Variants in FNIP1 observed in about 807,000 individuals in gnomAD.
The protein encoded by FNIP1 is folliculin-interacting protein 1.
In FNIP1, 40 loss-of-function variants were observed where a neutral mutation model predicts 124.5. The ratio of observed to expected loss-of-function variants is 0.32; its 90% CI spans 0.25 to 0.42. The LOEUF is 0.42. FNIP1 is among the 10% of genes least tolerant of loss of function. The probability of loss-of-function intolerance (pLI) is 1.00; values close to 1 mark genes in which losing one functional copy is unlikely to be tolerated. For synonymous variants in FNIP1, 472 were observed against 470.6 expected (o/e 1.00, Z -0.04); for missense variants, 1,176 against 1,403.7 (o/e 0.84, Z 2.59).
chr5:131,793,576 G>A (rs1022876893), intron 1 of FNIP1, among the ~76,000 whole-genome samples: 1 of 152,104 alleles, frequency 6.6e-6, no homozygotes, highest in African/African-American at 2.4e-5. Context: ...CATAGAAATC[G>A]ATATGGTAAG....
chr5:131,734,646 G>T (rs1770223751), intron 2 of FNIP1, among the ~76,000 whole-genome samples: 1 of 152,114 alleles, frequency 6.6e-6, no homozygotes, highest in Non-Finnish European at 1.5e-5. Context: ...CAAAAAGTAG[G>T]CGAAGGATAT....
At chr5:131,662,771 ACT>A (rs1345572877) in intron 15 of FNIP1, among the ~76,000 whole-genome samples, 1 of 114,614 alleles carries the variant, frequency 8.7e-6, no homozygotes, top group Non-Finnish European at 1.6e-5. Flanking sequence ...ATGGTGTCTC[ACT>A]CTGTCACCCA....
chr5:131,696,324 A>C (rs1184208282), intron 11 of FNIP1, among the ~76,000 whole-genome samples: 2 of 152,186 alleles, frequency 1.3e-5, no homozygotes, highest in Non-Finnish European at 2.9e-5. Flanking sequence ...GCTTTTATTT[A>C]ATCATGAATG....
At chr5:131,707,184 T>C (rs1769142102) in intron 8 of FNIP1, among the ~76,000 whole-genome samples, 1 of 152,198 alleles carries the variant, frequency 6.6e-6, no homozygotes, top group Admixed American at 6.5e-5. Context: ...GAAACACTTC[T>C]GTGAAATCTG....
intron 3 of FNIP1, among the ~76,000 whole-genome samples, chr5:131,728,892 G>A (rs1769982680): frequency 2.0e-5 from 3 of 152,264 alleles, no homozygotes; most frequent in South Asian, 2.1e-4. Context: ...TGTTGATGTT[G>A]ATGCTATTCC....
At chr5:131,762,526 C>T (rs537151057) in intron 1 of FNIP1, among the ~76,000 whole-genome samples, 3 of 152,126 alleles carry the variant, frequency 2.0e-5, no homozygotes, top group African/African-American at 7.2e-5. Flanking sequence ...ATCAGAGAAA[C>T]GCAAATCAAA....
chr5:131,745,453 G>A (rs1010743092), intron 1 of FNIP1, among the ~76,000 whole-genome samples: 2 of 152,036 alleles, frequency 1.3e-5, no homozygotes, highest in Non-Finnish European at 2.9e-5. Flanking sequence ...CTGGAAGGTC[G>A]GGGCTATAGC....
At chr5:131,735,071 A>G (rs537531195) in intron 2 of FNIP1, among the ~76,000 whole-genome samples, 32 of 152,334 alleles carry the variant, frequency 2.1e-4, no homozygotes, top group African/African-American at 6.5e-4. Flanking sequence ...AATGTCCAAC[A>G]ATGATAGACT....
chr5:131,652,419 A>G (rs1224521802), intron 15 of FNIP1, among the ~76,000 whole-genome samples: 1 of 152,154 alleles, frequency 6.6e-6, no homozygotes, highest in African/African-American at 2.4e-5. Flanking sequence ...CAGTGGTGCA[A>G]TCTCAGCTCA....
intron 1 of FNIP1, among the ~76,000 whole-genome samples, chr5:131,767,379 A>G (rs1771465774): frequency 1.3e-5 from 2 of 148,858 alleles, no homozygotes; most frequent in African/African-American, 5.1e-5. Flanking sequence ...CAGTAAGCCA[A>G]GATTGCACCA....
At chr5:131,731,452 A>C (rs1770088831) in intron 2 of FNIP1, among the ~76,000 whole-genome samples, 1 of 152,104 alleles carries the variant, frequency 6.6e-6, no homozygotes, top group South Asian at 2.1e-4. Flanking sequence ...CCAGGAGTTC[A>C]AGACCAGCCC....
intron 2 of FNIP1, among the ~76,000 whole-genome samples, chr5:131,743,153 G>A (rs1195967335): frequency 6.6e-6 from 1 of 152,116 alleles, no homozygotes; most frequent in African/African-American, 2.4e-5. Context: ...GATTCATAAA[G>A]TTGTGATAAA....
At chr5:131,696,579 G>A (rs1218500534) in intron 11 of FNIP1, among the ~76,000 whole-genome samples, 2 of 151,872 alleles carry the variant, frequency 1.3e-5, no homozygotes, top group African/African-American at 4.8e-5. Context: ...GATTTATAAA[G>A]CTAAATCTAA....
At chr5:131,760,343 T>C (rs1214888916) in intron 1 of FNIP1, among the ~76,000 whole-genome samples, 1 of 152,228 alleles carries the variant, frequency 6.6e-6, no homozygotes, top group Non-Finnish European at 1.5e-5. Context: ...AACACTAGTT[T>C]GTATCTCAAT....
intron 11 of FNIP1, among the ~76,000 whole-genome samples, chr5:131,683,871 G>C (rs1290769686): frequency 6.6e-6 from 1 of 152,104 alleles, no homozygotes; most frequent in Non-Finnish European, 1.5e-5. Context: ...AGGTTCCTAT[G>C]AGCCTCTGGT....
chr5:131,687,500 A>G (rs1224410987), intron 11 of FNIP1, among the ~76,000 whole-genome samples: 1 of 152,156 alleles, frequency 6.6e-6, no homozygotes, highest in Non-Finnish European at 1.5e-5. Flanking sequence ...GTGAACTTCC[A>G]ATTTCAGCTT....
intron 6 of FNIP1, among the ~76,000 whole-genome samples, chr5:131,711,124 C>T (rs556594552): frequency 6.6e-6 from 1 of 152,308 alleles, no homozygotes; most frequent in East Asian, 1.9e-4. Flanking sequence ...ACACAGCATA[C>T]AACAGGGTGC....
rs1172172015 is a variant in FNIP1, at chr5:131,757,487, A to C, written c.93-12797T>G. 8.5e-5 allele frequency among the ~76,000 whole-genome samples: 13 copies of C among 152,216 alleles called. 1 individual carries two copies. The highest frequency in any genetic ancestry group is 4.6e-4 in the Admixed American group (7 of 15,280). On this transcript the variant is annotated intron_variant, in intron 1 of 17. Transcript: ENST00000510461. Reference sequence around the variant, plus strand: ...AGTGTGGTACAATATCATAGGCCTCATAAAGAACAGGTTTTCATGAGAGGA... The same window carrying C: ...AGTGTGGTACAATATCATAGGCCTCCTAAAGAACAGGTTTTCATGAGAGGA...
intron 1 of FNIP1, among the ~76,000 whole-genome samples, chr5:131,747,328 A>C (rs1446976603): frequency 1.3e-5 from 2 of 152,212 alleles, no homozygotes; most frequent in Non-Finnish European, 2.9e-5. Context: ...CTTCATCCCA[A>C]ATTCTTGACA....
Sources: allele counts gnomAD v4.1 joint callset (sites outside exome capture counted in the v4.1 genomes callset), GRCh38; gene constraint gnomAD v4.1.1; transcripts MANE v1.5; gene names NCBI Gene and HGNC (gene_info 2026-07-23, HGNC 2026-07-21).